The following SUCLG2 variants were observed in gnomAD, a reference collection of about 807,000 sequenced individuals.
SUCLG2 encodes the protein succinate-CoA ligase GDP-forming subunit beta, also known as succinate--CoA ligase [GDP-forming] subunit beta, mitochondrial.
SUCLG2 carries 42 observed loss-of-function variants against 47.9 expected under a neutral mutation model. That is an observed-to-expected ratio of 0.88 (90% confidence interval 0.69 to 1.14). SUCLG2 has a LOEUF of 1.14. Among genes scored for constraint, SUCLG2 ranks in the 50% most tolerant of loss-of-function variants. SUCLG2 has a pLI of 0.00. For synonymous variants in SUCLG2, 195 were observed against 197.3 expected, an observed-to-expected ratio of 0.99 and a Z score of 0.10; for missense variants, 571 against 525.9, an observed-to-expected ratio of 1.09 and a Z score of -0.84.
chr3:67,534,915 G>T (rs1706500558), intron 2 of SUCLG2, among the ~76,000 whole-genome samples: 1 of 151,006 alleles, frequency 6.6e-6, no homozygotes, highest in Admixed American at 6.6e-5. Context: ...TTGAAGAAAT[G>T]ACAGTTTTTC....
At chr3:67,497,574 G>T (rs893187510) in intron 8 of SUCLG2, among the ~76,000 whole-genome samples, 5 of 152,106 alleles carry the variant, frequency 3.3e-5, no homozygotes, top group Admixed American at 2.0e-4. Flanking sequence ...TGAAACTTTA[G>T]CAACGTGATT....
intron 9 of SUCLG2, among the ~76,000 whole-genome samples, chr3:67,459,827 C>T (rs1038384228): frequency 6.0e-4 from 91 of 152,128 alleles, no homozygotes; most frequent in Non-Finnish European, 9.7e-4. Context: ...TGGTTTGTCT[C>T]CTCTACCATG....
chr3:67,459,251 C>T (rs1704267241), intron 9 of SUCLG2, among the ~76,000 whole-genome samples: 2 of 152,284 alleles, frequency 1.3e-5, no homozygotes, highest in South Asian at 4.2e-4. Flanking sequence ...GAGGGAAACA[C>T]ACTTAGTTCT....
intron 1 of SUCLG2, 22 bp downstream of exon 1, chr3:67,654,481 C>T: frequency 5.7e-6 from 7 of 1,232,840 alleles, no homozygotes; most frequent in Non-Finnish European, 6.1e-6. Flanking sequence ...CTGGCGCCCG[C>T]AGCTCCTGCC....
At chr3:67,534,837 A>G (rs1023249676) in intron 2 of SUCLG2, among the ~76,000 whole-genome samples, 3 of 150,402 alleles carry the variant, frequency 2.0e-5, no homozygotes, top group Non-Finnish European at 3.0e-5. Flanking sequence ...GTAACTAATT[A>G]AAGAATTTCT....
intron 5 of SUCLG2, 41 bp from the exon 6 acceptor site, chr3:67,518,377 A>G: frequency 3.2e-6 from 5 of 1,562,320 alleles, no homozygotes; most frequent in Non-Finnish European, 4.4e-6. Flanking sequence ...CAGACAGTCA[A>G]CTGAGAAGAT....
chr3:67,406,106 C>T (rs1702801233), intron 9 of SUCLG2, among the ~76,000 whole-genome samples: 1 of 152,132 alleles, frequency 6.6e-6, no homozygotes, highest in South Asian at 2.1e-4. Context: ...CCCCCTTTCG[C>T]AGATGAGAAA....
At chr3:67,528,353 C>G (rs1706311411) in intron 3 of SUCLG2, 131 bp from the exon 4 acceptor site, 7 of 781,450 alleles carry the variant, frequency 9.0e-6, no homozygotes, top group Non-Finnish European at 1.5e-5. Context: ...ATGAGTCTTT[C>G]TGCTTATGTG....
chr3:67,585,577 A>G (rs1274046187), intron 2 of SUCLG2, among the ~76,000 whole-genome samples: 1 of 152,140 alleles, frequency 6.6e-6, no homozygotes, highest in African/African-American at 2.4e-5. Context: ...ATAAGCCACT[A>G]GAATGTAAGA....
chr3:67,614,473 G>A (rs1575817757), intron 1 of SUCLG2, among the ~76,000 whole-genome samples: 2 of 151,582 alleles, frequency 1.3e-5, no homozygotes, highest in Non-Finnish European at 2.9e-5. Context: ...CCTCTCCTAT[G>A]GCTCACGGAA....
chr3:67,384,838 C>T (rs1702227495), intron 10 of SUCLG2, among the ~76,000 whole-genome samples: 1 of 152,194 alleles, frequency 6.6e-6, no homozygotes, highest in Admixed American at 6.5e-5. Flanking sequence ...TCTTTCTTGG[C>T]ACAGCACTGC....
intron 9 of SUCLG2, among the ~76,000 whole-genome samples, chr3:67,412,049 CA>C (rs1324388025): frequency 1.3e-5 from 2 of 151,884 alleles, no homozygotes; most frequent in African/African-American, 2.4e-5. Context: ...TCACTGTCAC[CA>C]AAAAAACATT....
intron 1 of SUCLG2, among the ~76,000 whole-genome samples, chr3:67,627,477 G>A (rs1700853483): frequency 6.6e-6 from 1 of 152,158 alleles, no homozygotes; most frequent in Non-Finnish European, 1.5e-5. Flanking sequence ...AAGATGAAGA[G>A]GACCTAGACT....
At chr3:67,518,641 T>A (rs1706016446) in intron 5 of SUCLG2, among the ~76,000 whole-genome samples, 1 of 152,230 alleles carries the variant, frequency 6.6e-6, no homozygotes, top group Non-Finnish European at 1.5e-5. Context: ...GTCAGTTAAT[T>A]TTTTGACATC....
intron 9 of SUCLG2, among the ~76,000 whole-genome samples, chr3:67,471,367 AGAATAACTGG>A (rs1457023423): frequency 2.6e-5 from 4 of 152,224 alleles, no homozygotes; most frequent in Non-Finnish European, 5.9e-5. Context: ...TTTGTAAGAC[AGAATAACTGG>A]GTTGAGGGCT....
intron 6 of SUCLG2, among the ~76,000 whole-genome samples, chr3:67,510,672 T>C (rs1483649171): frequency 1.3e-5 from 2 of 152,218 alleles, no homozygotes; most frequent in Non-Finnish European, 2.9e-5. Context: ...ATTGACTAAA[T>C]AATATCTTAC....
intron 2 of SUCLG2, among the ~76,000 whole-genome samples, chr3:67,594,433 G>A (rs1708247796): frequency 6.6e-6 from 1 of 152,040 alleles, no homozygotes; most frequent in Non-Finnish European, 1.5e-5. Flanking sequence ...CAGGATCTCG[G>A]CCTCTCCTGT....
At chr3:67,626,025 T>TATATATACA (rs55738024) in intron 1 of SUCLG2, among the ~76,000 whole-genome samples, 18 of 69,548 alleles carry the variant, frequency 2.6e-4, no homozygotes, top group African/African-American at 8.0e-4. Context: ...TATATTTACA[T>TATATATACA]TTTTTTTTTT....
intron 6 of SUCLG2, among the ~76,000 whole-genome samples, chr3:67,509,670 G>A (rs1049669870): frequency 5.9e-5 from 9 of 152,192 alleles, no homozygotes; most frequent in African/African-American, 2.2e-4. Flanking sequence ...ACCCTGGAAA[G>A]CTCCTGGCAA....
Sources: allele counts gnomAD v4.1 joint callset (sites outside exome capture counted in the v4.1 genomes callset), GRCh38; gene constraint gnomAD v4.1.1; transcripts MANE v1.5; gene names NCBI Gene and HGNC (gene_info 2026-07-23, HGNC 2026-07-21).